Variants in ARFGEF3 observed in about 807,000 individuals in gnomAD.
ARFGEF3 encodes the protein brefeldin A-inhibited guanine nucleotide-exchange protein 3.
Under a neutral mutation model 221.7 loss-of-function variants are expected in ARFGEF3, and 96 were observed. That is an observed-to-expected ratio of 0.43 (90% CI 0.37 to 0.51). ARFGEF3 has a LOEUF of 0.51. Among genes scored for constraint, ARFGEF3 ranks in the 20% least tolerant of loss-of-function variants. The probability of loss-of-function intolerance (pLI) is 0.00; values close to 1 mark genes in which losing one functional copy is unlikely to be tolerated. For missense variants in ARFGEF3, 2,410 were observed against 2,789.9 expected (o/e 0.86, Z 3.07); for synonymous variants, 1,145 against 1,126.8 (o/e 1.02, Z -0.32).
chr6:138,263,000 G>A lies in ARFGEF3; in HGVS notation c.1517G>A (p.Ser506Asn), dbSNP rs1420575415. 59 of 1,601,774 alleles carry A rather than the reference G, an allele frequency of 3.7e-5. No homozygotes were observed. Among genetic ancestry groups the A allele is most frequent in the Non-Finnish European group, 4.7e-5 (55 of 1,174,352 alleles). Residue 506 changes from serine (S) to asparagine (N), a missense_variant, in exon 12 of 34, where the codon AGT (serine) becomes AAT (asparagine). Physicochemically the swap from Ser to Asn is conservative, Grantham distance 46. Around this residue, in one of 5 missense-constraint regions of ARFGEF3, gnomAD observed 594 missense variants for 734.3 expected, o/e 0.81. Coordinates refer to ENST00000251691, the MANE Select transcript of ARFGEF3 (RefSeq NM_020340.5). The part of the protein sequence containing the change: ...GNERSLDISI[S>N]VTTDTGQTTL... The stretch of plus-strand genomic sequence containing the variant: ...GAGAGGAGCCTTGACATCAGCATCA[G>A]TGTCACCACAGACACAGGCCAGACC...
intron 13 of ARFGEF3, among the ~76,000 whole-genome samples, chr6:138,279,500 T>G (rs1332951135): frequency 6.6e-6 from 1 of 152,244 alleles, no homozygotes; most frequent in Non-Finnish European, 1.5e-5. Context: ...GTGTGCCCTA[T>G]TATCAGTTCC....
Position 138,298,799 on chromosome 6 carries a change from G to T in ARFGEF3, c.3828+14G>T. The T allele has an allele frequency of 6.2e-7, 1 of 1,603,906 alleles. No individual in the cohort carries two copies. Among genetic ancestry groups the T allele is most frequent in the South Asian group, 1.1e-5 (1 of 89,220 alleles). ...GTCCAAGACCAGGTCAGTGTGACAT[G>T]GTCATCAGCGTCATAGCTGGCTCTT... On this transcript the variant is annotated intron_variant, in intron 22 of 33. Coordinates refer to ENST00000251691, the MANE Select transcript of ARFGEF3 (RefSeq NM_020340.5).
At chr6:138,311,532 G>C (rs1412076667) in intron 25 of ARFGEF3, 22 bp downstream of exon 25, 1 of 1,538,264 alleles carries the variant, frequency 6.5e-7, no homozygotes, top group East Asian at 2.4e-5. Context: ...GTCCAGCTGG[G>C]CTCCCGGCCT....
chr6:138,187,827 C>T (rs1264826967), intron 2 of ARFGEF3, among the ~76,000 whole-genome samples: 1 of 152,174 alleles, frequency 6.6e-6, no homozygotes, highest in Non-Finnish European at 1.5e-5. Flanking sequence ...TGTCAAGTCA[C>T]CCTACTAAAA....
chr6:138,262,779 C>T lies in ARFGEF3; in HGVS notation c.1296C>T (p.Thr432=). The part of the protein sequence containing the change: ...ACYAAVSCVC[T]LLGALDELSQ... The stretch of plus-strand genomic sequence containing the variant: ...ATGCAGCCGTGTCCTGTGTCTGCAC[C>T]TTGCTGGGTGCCCTGGATGAGCTCA... Residue 432 remains threonine (T), a synonymous_variant, in exon 12 of 34, where the codon ACC becomes ACT. Transcript: ENST00000251691. 1.2e-6 allele frequency: 2 copies of T among 1,614,028 alleles called. No individual in the cohort carries two copies. The highest frequency in any genetic ancestry group is 8.5e-7 in the Non-Finnish European group (1 of 1,179,900).
intron 5 of ARFGEF3, among the ~76,000 whole-genome samples, chr6:138,231,025 C>A (rs753403885): frequency 2.6e-5 from 4 of 152,024 alleles, no homozygotes; most frequent in Non-Finnish European, 5.9e-5. Flanking sequence ...CAAGCCACTG[C>A]CCCTGCTGAT....
At chr6:138,324,654 C>T (rs1433765032) in intron 31 of ARFGEF3, among the ~76,000 whole-genome samples, 2 of 152,192 alleles carry the variant, frequency 1.3e-5, no homozygotes. Context: ...GCTTTTCCTT[C>T]TTGAGACACG....
In ARFGEF3 at chr6:138,334,983, A is replaced by G. The variant is rs1780296032; in HGVS notation, c.6137A>G (p.Lys2046Arg). Residue 2046 changes from lysine (K) to arginine (R), a missense_variant, in exon 33 of 34, where the codon AAA becomes AGA. Coordinates refer to ENST00000251691, the MANE Select transcript of ARFGEF3 (RefSeq NM_020340.5). The surrounding 1 kb of genome is among the most constrained non-coding windows in gnomAD (Gnocchi z 5.1). The part of the protein sequence containing the change: ...HNLSAFPKEV[K>R]VEKKGEPLGP... The stretch of plus-strand genomic sequence containing the variant: ...CTGTCCGCGTTCCCCAAAGAGGTCA[A>G]AGTGGAGAAGAAAGGAGAGCCACTG... The G allele has an allele frequency of 1.9e-6, 3 of 1,585,884 alleles. No homozygotes were observed.
chr6:138,275,926 T>C (rs1352026041), intron 12 of ARFGEF3, among the ~76,000 whole-genome samples: 1 of 152,210 alleles, frequency 6.6e-6, no homozygotes, highest in East Asian at 1.9e-4. Flanking sequence ...ATGAGCCATA[T>C]TTTTTATTAA....
At chr6:138,167,389 T>TA (rs1776743316) in intron 1 of ARFGEF3, among the ~76,000 whole-genome samples, 1 of 152,164 alleles carries the variant, frequency 6.6e-6, no homozygotes, top group Admixed American at 6.5e-5. Context: ...CCCCGCAACT[T>TA]AGCTACCTGC....
At chr6:138,331,817 T>C (rs994589547) in intron 32 of ARFGEF3, among the ~76,000 whole-genome samples, 1 of 152,244 alleles carries the variant, frequency 6.6e-6, no homozygotes, top group East Asian at 1.9e-4. Context: ...TCAGCGTAGA[T>C]GATTAAGAAT....
chr6:138,271,207 A>G (rs548545477), intron 12 of ARFGEF3, among the ~76,000 whole-genome samples: 74 of 152,350 alleles, frequency 4.9e-4, no homozygotes, highest in Non-Finnish European at 8.7e-4. Context: ...ATACAATAAT[A>G]TAAAAACCAC....
intron 2 of ARFGEF3, 141 bp from the exon 3 acceptor site, chr6:138,206,901 G>C (rs1777633521): frequency 1.6e-6 from 1 of 639,840 alleles, no homozygotes; most frequent in African/African-American, 1.9e-5. Context: ...TTTCTCTTAA[G>C]CCCATGTGCA....
chr6:138,207,473 C>G (rs1777645389), intron 3 of ARFGEF3, among the ~76,000 whole-genome samples: 1 of 152,144 alleles, frequency 6.6e-6, no homozygotes. Flanking sequence ...ATACTTTCAA[C>G]ATCTATGGTT....
In ARFGEF3 at chr6:138,252,599, G is replaced by A. The variant is rs749739323; in HGVS notation, c.666-1281G>A. Among the ~76,000 whole-genome samples the A allele has an allele frequency of 3.9e-4, 59 of 152,090 alleles. 3 individuals are homozygous for A. Among genetic ancestry groups the A allele is most frequent in the Non-Finnish European group, 1.3e-4 (9 of 68,010 alleles). ...CTTCAAGTTTCTAGTTGGCCTGCAT[G>A]AGCCTTTCTGTTCCTTCCACCCCCT... On this transcript the variant is annotated intron_variant, in intron 8 of 33. Coordinates refer to ENST00000251691, the MANE Select transcript of ARFGEF3 (RefSeq NM_020340.5).
intron 17 of ARFGEF3, 38 bp from the exon 18 acceptor site, chr6:138,289,780 C>T (rs1054851888): frequency 6.3e-7 from 1 of 1,593,794 alleles, no homozygotes; most frequent in African/African-American, 1.3e-5. Context: ...GTCTCCCTTA[C>T]TCAACCTGTT....
chr6:138,195,902 A>G (rs1459048968), intron 2 of ARFGEF3, among the ~76,000 whole-genome samples: 1 of 152,022 alleles, frequency 6.6e-6, no homozygotes, highest in African/African-American at 2.4e-5. Context: ...ACAGCATTTC[A>G]CGGCAGGAAG....
At chr6:138,224,220 A>C (rs955802361) in intron 4 of ARFGEF3, among the ~76,000 whole-genome samples, 1 of 152,228 alleles carries the variant, frequency 6.6e-6, no homozygotes, top group African/African-American at 2.4e-5. Flanking sequence ...AGAGTGCAGA[A>C]GATAGATAGG....
In ARFGEF3 at chr6:138,186,594, G is replaced by T. The variant is rs141166767; in HGVS notation, c.137+15881G>T. On this transcript the variant is annotated intron_variant, in intron 2 of 33. Coordinates refer to ENST00000251691, the MANE Select transcript of ARFGEF3 (RefSeq NM_020340.5). ...GGATTGTTGGGAAAGGCTCACGCCA[G>T]TCCTGATCTACTACTTGGAGCTGAC... Among the ~76,000 whole-genome samples, 57 of 152,328 alleles carry T rather than the reference G, an allele frequency of 3.7e-4. 1 individual carries two copies. The East Asian group carries it at 0.011, about 28-fold the overall frequency.
Sources: gnomAD v4.1 joint callset for allele counts (sites outside exome capture counted in the v4.1 genomes callset) on GRCh38, gnomAD v4.1.1 for gene constraint, gnomAD v4.1.1 regional missense constraint, Gnocchi (gnomAD v3.1) non-coding constraint, MANE v1.5 for transcripts, NCBI Gene and HGNC (gene_info 2026-07-23, HGNC 2026-07-21) for gene names.